The following TLK1 variants were observed in gnomAD, a reference collection of about 807,000 sequenced individuals.
TLK1 encodes the protein tousled like kinase 1.
TLK1 carries 24 observed loss-of-function variants against 105.3 expected under a neutral mutation model. That is an observed-to-expected ratio of 0.23 (90% confidence interval 0.17 to 0.32). The LOEUF (loss-of-function observed/expected upper bound fraction) is 0.32, where lower values mean the gene tolerates loss of function less well. TLK1 is among the 10% of genes least tolerant of loss of function. TLK1 has a pLI of 1.00. For missense variants in TLK1, 558 were observed against 910.5 expected, an observed-to-expected ratio of 0.61 and a Z score of 4.98; for synonymous variants, 321 against 310.4, an observed-to-expected ratio of 1.03 and a Z score of -0.36.
chr2:171,031,143 A>G (rs1686024895), intron 11 of TLK1, among the ~76,000 whole-genome samples: 1 of 152,172 alleles, frequency 6.6e-6, no homozygotes, highest in Non-Finnish European at 1.5e-5. Flanking sequence ...TGCCAATTAG[A>G]ATGCAAACCC....
intron 10 of TLK1, among the ~76,000 whole-genome samples, chr2:171,049,580 C>T (rs1026155494): frequency 3.9e-5 from 6 of 152,046 alleles, no homozygotes; most frequent in African/African-American, 7.2e-5. Flanking sequence ...ATTAATATCT[C>T]GGAAAGTCAG....
At chr2:171,159,606 C>A (rs559504619) in intron 1 of TLK1, 1 of 152,392 alleles carries the variant, frequency 6.6e-6, no homozygotes, top group East Asian at 1.9e-4. Flanking sequence ...GAGAATATAA[C>A]GCACAAACAC....
chr2:171,176,269 G>A (rs568392717), intron 1 of TLK1, among the ~76,000 whole-genome samples: 1 of 152,252 alleles, frequency 6.6e-6, no homozygotes, highest in Admixed American at 6.5e-5. Context: ...AGCAGTCCAG[G>A]TGATTCTAAT....
At chr2:171,138,463 C>T (rs926756987) in intron 1 of TLK1, among the ~76,000 whole-genome samples, 4 of 152,114 alleles carry the variant, frequency 2.6e-5, no homozygotes, top group African/African-American at 7.2e-5. Flanking sequence ...GAGGACAGTA[C>T]GAAATAACGT....
intron 1 of TLK1, among the ~76,000 whole-genome samples, chr2:171,142,662 A>C (rs1294036374): frequency 6.6e-6 from 1 of 152,252 alleles, no homozygotes. Context: ...CAAATGTTAT[A>C]ATCATTTGGG....
intron 4 of TLK1, chr2:171,060,083 T>C (rs1687681087): frequency 1.9e-6 from 3 of 1,550,450 alleles, no homozygotes; most frequent in African/African-American, 2.8e-5. Flanking sequence ...CTAAAGCAAA[T>C]ATAAGTGAGG....
intron 2 of TLK1, among the ~76,000 whole-genome samples, chr2:171,090,911 G>A (rs1490499495): frequency 6.6e-6 from 1 of 152,024 alleles, no homozygotes; most frequent in Non-Finnish European, 1.5e-5. Context: ...TTCCTCAGTC[G>A]CACTAGCCAT....
chr2:171,225,384 T>C (rs1372838027), intron 1 of TLK1, among the ~76,000 whole-genome samples: 1 of 151,978 alleles, frequency 6.6e-6, no homozygotes, highest in African/African-American at 2.4e-5. Context: ...TAAAGATGCC[T>C]AACATCATTA....
intron 3 of TLK1, chr2:171,081,849 C>T (rs1473937738): frequency 1.3e-5 from 6 of 460,670 alleles, no homozygotes; most frequent in Admixed American, 3.5e-5. Context: ...AAAGATGCCA[C>T]CTTTGAAGTT....
At chr2:171,028,475 T>A in intron 11 of TLK1, 70 bp from the exon 12 acceptor site, 1 of 1,083,324 alleles carries the variant, frequency 9.2e-7, no homozygotes, top group Non-Finnish European at 1.4e-6. Flanking sequence ...TAGCAAAATA[T>A]AAAAATCAAG....
At chr2:171,057,230 C>T (rs1687543854) in intron 5 of TLK1, among the ~76,000 whole-genome samples, 3 of 152,012 alleles carry the variant, frequency 2.0e-5, no homozygotes, top group Admixed American at 2.0e-4. Context: ...CAGCAAAGTT[C>T]CTCTGGGGGT....
intron 1 of TLK1, among the ~76,000 whole-genome samples, chr2:171,216,233 T>C (rs1359229138): frequency 6.6e-6 from 1 of 152,090 alleles, no homozygotes; most frequent in East Asian, 1.9e-4. Context: ...TCCCAGCACT[T>C]TGGGAGGCCG....
chr2:171,053,871 A>G lies in TLK1; in HGVS notation c.640-18T>C. On this transcript the variant is annotated intron_variant, in intron 7 of 20. Transcript: ENST00000431350. ...AGATCAGTCTAAATGAAAAAAAGTT[A>G]TTTTATTATCTCCATTATATATGTT... 1.9e-6 allele frequency: 3 copies of G among 1,540,602 alleles called. No homozygotes were observed. The highest frequency in any genetic ancestry group is 2.6e-6 in the Non-Finnish European group (3 of 1,135,566).
chr2:171,040,589 T>G (rs1686624289), intron 11 of TLK1, among the ~76,000 whole-genome samples: 1 of 56,564 alleles, frequency 1.8e-5, no homozygotes, highest in Non-Finnish European at 4.0e-5. Context: ...TTTTTTTTTT[T>G]GAGACAGGGT....
intron 4 of TLK1, among the ~76,000 whole-genome samples, chr2:171,058,429 T>C (rs1687601450): frequency 6.6e-6 from 1 of 152,144 alleles, no homozygotes; most frequent in Admixed American, 6.5e-5. Context: ...TAACTACTAA[T>C]TTCAGAAAAG....
intron 1 of TLK1, among the ~76,000 whole-genome samples, chr2:171,183,243 G>C (rs1435747571): frequency 6.6e-6 from 1 of 152,084 alleles, no homozygotes; most frequent in Non-Finnish European, 1.5e-5. Flanking sequence ...CAGAAAATTT[G>C]TCAATAATGT....
intron 1 of TLK1, among the ~76,000 whole-genome samples, chr2:171,139,094 A>G (rs1691462905): frequency 6.6e-6 from 1 of 152,204 alleles, no homozygotes; most frequent in African/African-American, 2.4e-5. Flanking sequence ...CGTGTATCAC[A>G]TTTTTACTTA....
At chr2:171,217,313 G>C (rs908347581) in intron 1 of TLK1, among the ~76,000 whole-genome samples, 3 of 152,296 alleles carry the variant, frequency 2.0e-5, no homozygotes, top group Middle Eastern at 3.4e-3. Context: ...GTAGACAGTA[G>C]ATACCATTCT....
chr2:171,124,408 GTT>G (rs1690785757), intron 1 of TLK1, among the ~76,000 whole-genome samples: 1 of 152,182 alleles, frequency 6.6e-6, no homozygotes, highest in African/African-American at 2.4e-5. Flanking sequence ...GTTGAGGGCA[GTT>G]CTCTTTATTA....
Sources: allele counts gnomAD v4.1 joint callset (sites outside exome capture counted in the v4.1 genomes callset), GRCh38; gene constraint gnomAD v4.1.1; transcripts MANE v1.5; gene names NCBI Gene and HGNC (gene_info 2026-07-23, HGNC 2026-07-21).